Variants in PRKG1 observed in about 807,000 individuals in gnomAD.
The protein encoded by PRKG1 is cGMP-dependent protein kinase 1.
PRKG1 carries 35 observed loss-of-function variants against 88.1 expected under a neutral mutation model. That is an observed-to-expected ratio of 0.40 (90% CI 0.30 to 0.53). PRKG1 has a LOEUF of 0.53. Among genes scored for constraint, PRKG1 ranks in the 20% least tolerant of loss-of-function variants. The pLI is 0.59. For synonymous variants in PRKG1, 303 were observed against 292.5 expected (o/e 1.04, Z -0.37); for missense variants, 540 against 839.8 (o/e 0.64, Z 4.41).
chr10:51,279,469 C>T (rs923042529), intron 2 of PRKG1, among the ~76,000 whole-genome samples: 5 of 152,120 alleles, frequency 3.3e-5, no homozygotes, highest in Admixed American at 3.3e-4. Context: ...CTAATGTTGA[C>T]AGTGGGGTGT....
chr10:52,004,859 C>T (rs912622755), intron 5 of PRKG1, among the ~76,000 whole-genome samples: 15 of 151,948 alleles, frequency 9.9e-5, no homozygotes, highest in Non-Finnish European at 1.5e-4. Flanking sequence ...CCCAGGAGGT[C>T]GAGGTTGCAG....
intron 5 of PRKG1, among the ~76,000 whole-genome samples, chr10:52,028,221 G>A (rs1392468470): frequency 6.6e-6 from 1 of 152,024 alleles, no homozygotes; most frequent in Non-Finnish European, 1.5e-5. Flanking sequence ...TTAAGTTTTT[G>A]TGTTATTATA....
intron 4 of PRKG1, among the ~76,000 whole-genome samples, chr10:51,807,167 A>T (rs1589304271): frequency 6.6e-6 from 1 of 152,212 alleles, no homozygotes; most frequent in Non-Finnish European, 1.5e-5. Flanking sequence ...TGCTTTGTAG[A>T]TAGGCACTTT....
chr10:52,222,662 A>T (rs1840275807), intron 9 of PRKG1, among the ~76,000 whole-genome samples: 2 of 152,174 alleles, frequency 1.3e-5, no homozygotes, highest in Non-Finnish European at 2.9e-5. Flanking sequence ...GAAAGTTAGT[A>T]AATTGTCTGT....
intron 2 of PRKG1, among the ~76,000 whole-genome samples, chr10:51,234,359 A>C (rs1185494872): frequency 1.3e-5 from 2 of 152,318 alleles, no homozygotes; most frequent in East Asian, 3.9e-4. Flanking sequence ...GATTGCACTG[A>C]AAGATAGAAG....
intron 4 of PRKG1, among the ~76,000 whole-genome samples, chr10:51,833,933 A>C (rs1840065277): frequency 6.6e-6 from 1 of 152,140 alleles, no homozygotes; most frequent in Non-Finnish European, 1.5e-5. Context: ...TAGATTTTAC[A>C]TATAAGTGAG....
At chr10:51,542,955 G>T (rs536802056) in intron 3 of PRKG1, among the ~76,000 whole-genome samples, 8 of 152,152 alleles carry the variant, frequency 5.3e-5, no homozygotes, top group Admixed American at 1.3e-4. Context: ...GGAACGTGGG[G>T]GACATTGAGT....
At chr10:51,420,181 G>A (rs528939546) in intron 2 of PRKG1, among the ~76,000 whole-genome samples, 8 of 152,084 alleles carry the variant, frequency 5.3e-5, no homozygotes, top group Non-Finnish European at 1.2e-4. Context: ...GCGGGAGCAG[G>A]CAATTTGCAT....
At chr10:51,642,166 C>T (rs957634933) in intron 3 of PRKG1, among the ~76,000 whole-genome samples, 3 of 152,000 alleles carry the variant, frequency 2.0e-5, no homozygotes, top group East Asian at 1.9e-4. Flanking sequence ...CCAAGGCGGC[C>T]GGATCACAAG....
chr10:51,525,393 G>A (rs981944126), intron 3 of PRKG1, among the ~76,000 whole-genome samples: 3 of 152,136 alleles, frequency 2.0e-5, no homozygotes, highest in South Asian at 2.1e-4. Flanking sequence ...ATAATATGGC[G>A]TGCATGCAAT....
chr10:51,173,883 T>C (rs748347411), intron 2 of PRKG1, among the ~76,000 whole-genome samples: 2 of 151,870 alleles, frequency 1.3e-5, no homozygotes, highest in Non-Finnish European at 2.9e-5. Context: ...TGAGAGTGTT[T>C]TTCCTTATGC....
chr10:51,116,231 C>A (rs1301998260), intron 1 of PRKG1, among the ~76,000 whole-genome samples: 1 of 152,136 alleles, frequency 6.6e-6, no homozygotes. Context: ...GGTAGACTGG[C>A]GGAACATATA....
intron 5 of PRKG1, among the ~76,000 whole-genome samples, chr10:52,035,222 T>A (rs1054126538): frequency 6.6e-6 from 1 of 152,132 alleles, no homozygotes; most frequent in African/African-American, 2.4e-5. Context: ...AGTATCTACC[T>A]AGACTAAGAG....
At chr10:51,329,749 G>C (rs2132525565) in intron 2 of PRKG1, among the ~76,000 whole-genome samples, 1 of 151,908 alleles carries the variant, frequency 6.6e-6, no homozygotes, top group South Asian at 2.1e-4. Context: ...TTGTTTGTTA[G>C]TTTTAACAAT....
At chr10:51,222,123 C>A (rs1486623909) in intron 2 of PRKG1, among the ~76,000 whole-genome samples, 5 of 93,222 alleles carry the variant, frequency 5.4e-5, no homozygotes, top group African/African-American at 3.0e-4. Context: ...GTGATCCGCG[C>A]CCCCCCCCGA....
At chr10:51,579,633 G>T (rs1457344928) in intron 3 of PRKG1, among the ~76,000 whole-genome samples, 2 of 152,078 alleles carry the variant, frequency 1.3e-5, no homozygotes, top group African/African-American at 4.8e-5. Flanking sequence ...ATAATATTTT[G>T]ATTAGATTTC....
At chr10:52,066,479 A>G (rs1352900081) in intron 7 of PRKG1, among the ~76,000 whole-genome samples, 3 of 152,196 alleles carry the variant, frequency 2.0e-5, no homozygotes, top group Non-Finnish European at 2.9e-5. Context: ...TAGATGAACA[A>G]ATGAACCTCT....
Position 52,282,221 on chromosome 10 carries a change from G to T in PRKG1, c.1614G>T (p.Glu538Asp). The change falls in exon 14 of 18, where the codon GAG becomes GAT. Residue 538 changes from glutamate (E) to aspartate (D), a missense_variant. Around this residue, in one of 5 missense-constraint regions of PRKG1, gnomAD observed 97 missense variants for 210.6 expected, o/e 0.46. Transcript: ENST00000373980. The stretch of plus-strand genomic sequence containing the variant: ...CATGGACTTTTTGTGGGACTCCAGA[G>T]TATGTAGCCCCAGAGATCATCCTGA... ...KKTWTFCGTP[E>D]YVAPEIILNK... The T allele has an allele frequency of 6.2e-7, 1 of 1,611,582 alleles. No homozygotes were observed. Among genetic ancestry groups the T allele is most frequent in the Non-Finnish European group, 8.5e-7 (1 of 1,178,448 alleles).
In PRKG1 at chr10:51,982,346, TGCCGGAGGGGTA is replaced by T. The variant is rs566586462; in HGVS notation, c.763-72135_763-72124del. ...CCACCTCATCCTGGTTCACAACTTT[TGCCGGAGGGGTA>T]GCGCAGTCATTTGAAGGAAAGAAGA... On this transcript the variant is annotated intron_variant, in intron 5 of 17. Coordinates refer to ENST00000373980, the MANE Select transcript of PRKG1 (RefSeq NM_006258.4). Among the ~76,000 whole-genome samples the T allele has an allele frequency of 1.3e-4, 20 of 152,348 alleles. No homozygotes were observed. The East Asian group carries it at 3.9e-3, about 29-fold the overall frequency.
Sources: gnomAD v4.1 joint callset for allele counts (sites outside exome capture counted in the v4.1 genomes callset) on GRCh38, gnomAD v4.1.1 for gene constraint, gnomAD v4.1.1 regional missense constraint, MANE v1.5 for transcripts, NCBI Gene and HGNC (gene_info 2026-07-23, HGNC 2026-07-21) for gene names.